Variants in NEGR1 observed in about 807,000 individuals in gnomAD.
NEGR1 encodes the protein neuronal growth regulator 1.
A neutral mutation model predicts 40.9 loss-of-function variants in NEGR1; 10 were observed. That is an observed-to-expected ratio of 0.24 (90% confidence interval 0.15 to 0.42). The LOEUF is 0.42. Among genes scored for constraint, NEGR1 ranks in the 10% least tolerant of loss-of-function variants. NEGR1 has a pLI of 1.00. For synonymous variants in NEGR1, 185 were observed against 166.8 expected (o/e 1.11, Z -0.84); for missense variants, 352 against 438.9 (o/e 0.80, Z 1.77).
chr1:71,784,764 A>C (rs1182551056), intron 2 of NEGR1, among the ~76,000 whole-genome samples: 3 of 152,212 alleles, frequency 2.0e-5, no homozygotes, highest in Non-Finnish European at 4.4e-5. Context: ...TTCAGTAGCA[A>C]ATAAAAACAT....
chr1:71,670,104 G>A (rs1479540546), intron 4 of NEGR1, among the ~76,000 whole-genome samples: 1 of 152,046 alleles, frequency 6.6e-6, no homozygotes, highest in Non-Finnish European at 1.5e-5. Flanking sequence ...TCTGCCTGAA[G>A]AACATTTTTA....
At chr1:72,013,935 C>A (rs1569824598) in intron 1 of NEGR1, among the ~76,000 whole-genome samples, 3 of 82,046 alleles carry the variant, frequency 3.7e-5, no homozygotes, top group African/African-American at 1.5e-4. Context: ...GGGAAGAATA[C>A]AAGTCCCAAG....
intron 6 of NEGR1, among the ~76,000 whole-genome samples, chr1:71,579,340 C>A (rs903201634): frequency 6.6e-6 from 1 of 152,114 alleles, no homozygotes; most frequent in African/African-American, 2.4e-5. Context: ...AATTGACAAT[C>A]TCCAAAATGT....
At chr1:71,476,517 C>A (rs1443114753) in intron 6 of NEGR1, among the ~76,000 whole-genome samples, 2 of 152,080 alleles carry the variant, frequency 1.3e-5, no homozygotes, top group Non-Finnish European at 2.9e-5. Flanking sequence ...CAGATAGTAA[C>A]GTGTGGGGTA....
intron 6 of NEGR1, among the ~76,000 whole-genome samples, chr1:71,551,921 T>G (rs2101469911): frequency 6.6e-6 from 1 of 151,782 alleles, no homozygotes; most frequent in African/African-American, 2.4e-5. Context: ...TGAAAACTTC[T>G]ATATCTTTAA....
In NEGR1 at chr1:72,234,700, G is replaced by A. The variant is rs374962718; in HGVS notation, c.176+47619C>T. ...ATATTAATAAAAGATCAATATTACC[G>A]ATCATTAGAGAAATGCAAACCAAAA... On this transcript the variant is annotated intron_variant, in intron 1 of 6. Transcript: ENST00000357731. Among the ~76,000 whole-genome samples the A allele has an allele frequency of 2.3e-3, 357 of 152,070 alleles. 13 individuals are homozygous for A. In the South Asian group the frequency reaches 0.067, roughly 29 times the overall value.
At chr1:71,628,217 G>T (rs1650850713) in intron 4 of NEGR1, among the ~76,000 whole-genome samples, 1 of 152,000 alleles carries the variant, frequency 6.6e-6, no homozygotes, top group African/African-American at 2.4e-5. Flanking sequence ...TCCTGCCTTA[G>T]AGAAGCTCAA....
chr1:72,082,935 G>A (rs1350442716), intron 1 of NEGR1, among the ~76,000 whole-genome samples: 9 of 152,146 alleles, frequency 5.9e-5, no homozygotes, highest in African/African-American at 2.2e-4. Context: ...ATTGGAATAC[G>A]GGATTATGGA....
At chr1:71,853,406 G>T (rs1255953678) in intron 2 of NEGR1, among the ~76,000 whole-genome samples, 1 of 151,926 alleles carries the variant, frequency 6.6e-6, no homozygotes, top group Non-Finnish European at 1.5e-5. Context: ...ATAATTATGC[G>T]ATTTATAAGC....
At chr1:71,962,858 C>T (rs1191705732) in intron 1 of NEGR1, among the ~76,000 whole-genome samples, 1 of 151,118 alleles carries the variant, frequency 6.6e-6, no homozygotes, top group Non-Finnish European at 1.5e-5. Context: ...TTGTTCTCAA[C>T]CCTGAATGGA....
intron 3 of NEGR1, among the ~76,000 whole-genome samples, chr1:71,727,195 T>A (rs1355037908): frequency 6.6e-6 from 1 of 152,146 alleles, no homozygotes; most frequent in Non-Finnish European, 1.5e-5. Context: ...TCCTACCTAC[T>A]TCCTTTCAGT....
intron 4 of NEGR1, among the ~76,000 whole-genome samples, chr1:71,630,090 T>C (rs533962753): frequency 6.9e-4 from 105 of 152,120 alleles, no homozygotes; most frequent in African/African-American, 2.5e-3. Context: ...TCTGGACATA[T>C]AGAGCTATAT....
chr1:71,813,748 G>A (rs1345627718), intron 2 of NEGR1, among the ~76,000 whole-genome samples: 1 of 151,996 alleles, frequency 6.6e-6, no homozygotes, highest in Admixed American at 6.6e-5. Flanking sequence ...TATTATTGGT[G>A]TATAGGGATG....
intron 2 of NEGR1, among the ~76,000 whole-genome samples, chr1:71,816,867 G>C (rs1405891233): frequency 6.6e-6 from 1 of 151,518 alleles, no homozygotes; most frequent in Non-Finnish European, 1.5e-5. Flanking sequence ...ATCCCTTATG[G>C]CCTCTCAAAA....
At chr1:71,766,924 C>G (rs1055743671) in intron 3 of NEGR1, among the ~76,000 whole-genome samples, 1 of 152,180 alleles carries the variant, frequency 6.6e-6, no homozygotes, top group Non-Finnish European at 1.5e-5. Flanking sequence ...CTGGCTTTCC[C>G]TTTGCCTTCT....
chr1:72,090,065 A>G (rs1648403170), intron 1 of NEGR1, among the ~76,000 whole-genome samples: 1 of 152,016 alleles, frequency 6.6e-6, no homozygotes, highest in Non-Finnish European at 1.5e-5. Flanking sequence ...TAAAAATATG[A>G]CCTCATTTCT....
chr1:71,731,604 T>C (rs966165491), intron 3 of NEGR1, among the ~76,000 whole-genome samples: 1 of 152,204 alleles, frequency 6.6e-6, no homozygotes, highest in African/African-American at 2.4e-5. Flanking sequence ...TTTTTAAAAA[T>C]ACAAATTTCC....
chr1:71,941,481 A>G (rs1645958957), intron 1 of NEGR1, among the ~76,000 whole-genome samples: 2 of 152,142 alleles, frequency 1.3e-5, no homozygotes, highest in Admixed American at 1.3e-4. Flanking sequence ...GATTGACAAT[A>G]TTTAAAATTC....
At chr1:71,838,763 A>G (rs763070076) in intron 2 of NEGR1, among the ~76,000 whole-genome samples, 2 of 152,174 alleles carry the variant, frequency 1.3e-5, no homozygotes, top group Non-Finnish European at 2.9e-5. Flanking sequence ...ATCACATAAT[A>G]GTACAAAAAG....
Sources: allele counts gnomAD v4.1 joint callset (sites outside exome capture counted in the v4.1 genomes callset), GRCh38; gene constraint gnomAD v4.1.1; transcripts MANE v1.5; gene names NCBI Gene and HGNC (gene_info 2026-07-23, HGNC 2026-07-21).